Variants in MGST2 observed in about 807,000 individuals in gnomAD.
MGST2 encodes the protein glutathione peroxidase MGST2.
In MGST2, 9 loss-of-function variants were observed where a neutral mutation model predicts 16.6. That is an observed-to-expected ratio of 0.54 (90% CI 0.33 to 0.95). The LOEUF is 0.95. MGST2 is among the 40% of genes least tolerant of loss of function. The pLI is 0.03. For missense variants in MGST2, 159 were observed against 175.1 expected, an observed-to-expected ratio of 0.91 and a Z score of 0.52; for synonymous variants, 79 against 68.0, an observed-to-expected ratio of 1.16 and a Z score of -0.79.
chr4:139,717,321 T>G (rs1265760083), intron 5 of MGST2: 1 of 152,670 alleles, frequency 6.6e-6, no homozygotes, highest in African/African-American at 2.4e-5. Flanking sequence ...TATATATTTA[T>G]TTCCTGTACC....
At chr4:139,701,978 A>C (rs924790394) in intron 3 of MGST2, among the ~76,000 whole-genome samples, 5 of 151,186 alleles carry the variant, frequency 3.3e-5, no homozygotes, top group African/African-American at 1.2e-4. Flanking sequence ...GAAAAAAAAA[A>C]AATCATGCGG....
At chr4:139,732,683 GT>G (rs1333923638) in intron 5 of MGST2, among the ~76,000 whole-genome samples, 1 of 151,548 alleles carries the variant, frequency 6.6e-6, no homozygotes, top group East Asian at 1.9e-4. Flanking sequence ...GTGGTATTTG[GT>G]TACATGAGTA....
the MGST2 span, among the ~76,000 whole-genome samples, chr4:139,751,218 A>C: frequency 6.6e-6 from 1 of 152,332 alleles, no homozygotes; most frequent in South Asian, 2.1e-4. Flanking sequence ...ATTTTCTAGG[A>C]GACTACTATG....
At chr4:139,749,557 G>A in the MGST2 span, among the ~76,000 whole-genome samples, 1 of 152,168 alleles carries the variant, frequency 6.6e-6, no homozygotes, top group African/African-American at 2.4e-5. Context: ...TCAAGGGGGT[G>A]GGGGGCGCCG....
intron 5 of MGST2, chr4:139,720,243 C>T (rs199836189): frequency 4.7e-5 from 75 of 1,605,148 alleles, no homozygotes; most frequent in Non-Finnish European, 5.5e-5. Flanking sequence ...ATCATGCCTG[C>T]GTTCTGTGCC....
chr4:139,727,893 G>T (rs965983436), intron 5 of MGST2, among the ~76,000 whole-genome samples: 1 of 152,154 alleles, frequency 6.6e-6, no homozygotes, highest in South Asian at 2.1e-4. Context: ...GATTGGTGTT[G>T]ATCTGGCAGT....
chr4:139,704,459 A>G (rs1166348394), downstream of MGST2, among the ~76,000 whole-genome samples: 2 of 152,048 alleles, frequency 1.3e-5, no homozygotes, highest in East Asian at 3.9e-4. Flanking sequence ...ATATCCTGCC[A>G]CTCTGACTGC....
chr4:139,704,284 T>C, downstream of MGST2: 2 of 1,134,552 alleles, frequency 1.8e-6, no homozygotes, highest in Non-Finnish European at 2.6e-6. Flanking sequence ...CTTTAGAGAA[T>C]ACATTTCCTG....
At chr4:139,739,767 G>T (rs965596221) in intron 5 of MGST2, among the ~76,000 whole-genome samples, 7 of 148,622 alleles carry the variant, frequency 4.7e-5, no homozygotes, top group African/African-American at 1.7e-4. Flanking sequence ...CTAGCCACTG[G>T]ATAGTCTTGT....
At chr4:139,740,570 AC>A (rs1729131639) in exon 6 of MGST2, 1 of 152,070 alleles carries the variant, frequency 6.6e-6, no homozygotes, top group Non-Finnish European at 1.5e-5. Flanking sequence ...GTTTCCCCCA[AC>A]CCGAGCCTTT....
chr4:139,681,182 A>G (rs1731223128), intron 2 of MGST2, among the ~76,000 whole-genome samples: 1 of 151,950 alleles, frequency 6.6e-6, no homozygotes, highest in Non-Finnish European at 1.5e-5. Context: ...ATGCCCTGCT[A>G]ATATTTGTAT....
chr4:139,718,525 T>C (rs566412368), intron 5 of MGST2: 1 of 152,400 alleles, frequency 6.6e-6, no homozygotes, highest in South Asian at 2.1e-4. Context: ...CCTGGATGTA[T>C]GGGTTTTGTA....
At chr4:139,666,458 C>A (rs1027232754) in intron 1 of MGST2, among the ~76,000 whole-genome samples, 1 of 152,126 alleles carries the variant, frequency 6.6e-6, no homozygotes, top group African/African-American at 2.4e-5. Flanking sequence ...CCAAAGGAAA[C>A]GTGCCTGCTT....
At chr4:139,702,759 A>G (rs865805795) in intron 3 of MGST2, among the ~76,000 whole-genome samples, 4 of 150,854 alleles carry the variant, frequency 2.7e-5, no homozygotes, top group South Asian at 2.1e-4. Context: ...ACTTTTCCCA[A>G]AGTGGCTGTA....
At chr4:139,679,069 A>T in intron 2 of MGST2, 1 of 183,148 alleles carries the variant, frequency 5.5e-6, no homozygotes, top group Admixed American at 5.5e-5. Context: ...TCTGTGAACC[A>T]TTTCTTAAAA....
intron 5 of MGST2, chr4:139,731,466 A>AAAAAAAAT (rs1728716480): frequency 6.1e-6 from 1 of 164,734 alleles, no homozygotes; most frequent in Non-Finnish European, 1.2e-5. Flanking sequence ...AAAAAAAAAA[A>AAAAAAAAT]AATTAGCCAG....
chr4:139,722,511 T>G (rs1728276579), intron 5 of MGST2, among the ~76,000 whole-genome samples: 1 of 152,210 alleles, frequency 6.6e-6, no homozygotes, highest in South Asian at 2.1e-4. Flanking sequence ...GACACTGTAA[T>G]CTAATTTTCT....
At chr4:139,751,555 C>A in the MGST2 span, among the ~76,000 whole-genome samples, 1 of 152,138 alleles carries the variant, frequency 6.6e-6, no homozygotes, top group Non-Finnish European at 1.5e-5. Context: ...TGTCAGCGCT[C>A]AAAAAATTTT....
At chr4:139,730,596 G>T (rs754677384) in intron 5 of MGST2, 1 of 1,610,882 alleles carries the variant, frequency 6.2e-7, no homozygotes, top group Non-Finnish European at 8.5e-7. Flanking sequence ...CTGAGACCAT[G>T]CCACCTGAGC....
Sources: gnomAD v4.1 joint callset for allele counts (sites outside exome capture counted in the v4.1 genomes callset) on GRCh38, gnomAD v4.1.1 for gene constraint, MANE v1.5 for transcripts, NCBI Gene and HGNC (gene_info 2026-07-23, HGNC 2026-07-21) for gene names.